The following RORA variants were observed in gnomAD, a reference collection of about 807,000 sequenced individuals.
The protein encoded by RORA is RAR related orphan receptor A.
In RORA, 7 loss-of-function variants were observed where a neutral mutation model predicts 69.5. The observed-to-expected ratio is 0.10, with a 90% CI of 0.06 to 0.19. RORA has a LOEUF of 0.19. Among genes scored for constraint, RORA ranks in the 10% least tolerant of loss-of-function variants. RORA has a pLI of 1.00. For missense variants in RORA, 457 were observed against 663.0 expected (o/e 0.69, Z 3.41); for synonymous variants, 261 against 240.8 (o/e 1.08, Z -0.78).
chr15:61,040,117 T>G (rs1403648444), intron 1 of RORA, among the ~76,000 whole-genome samples: 863 of 36,868 alleles, frequency 0.023, 16 homozygotes, highest in African/African-American at 0.049. Flanking sequence ...AGCTTTGATA[T>G]ATATATATAT....
At chr15:60,583,214 C>G (rs139664267) in intron 2 of RORA, among the ~76,000 whole-genome samples, 2 of 152,206 alleles carry the variant, frequency 1.3e-5, no homozygotes, top group Non-Finnish European at 2.9e-5. Context: ...CTAAGCTGCA[C>G]GAAGGCAGCA....
At chr15:60,822,496 C>T (rs1244317027) in intron 1 of RORA, among the ~76,000 whole-genome samples, 2 of 152,216 alleles carry the variant, frequency 1.3e-5, no homozygotes, top group Non-Finnish European at 2.9e-5. Context: ...CAAGCAGGTC[C>T]ATCCAGATCC....
chr15:60,501,896 CTT>C (rs1395332897), intron 8 of RORA, among the ~76,000 whole-genome samples: 1 of 152,140 alleles, frequency 6.6e-6, no homozygotes, highest in Non-Finnish European at 1.5e-5. Context: ...TGTCATATAA[CTT>C]TTAAAAAAAT....
intron 1 of RORA, among the ~76,000 whole-genome samples, chr15:61,096,222 G>A (rs1055722800): frequency 6.6e-6 from 1 of 152,154 alleles, no homozygotes; most frequent in African/African-American, 2.4e-5. Context: ...AGGTGGCTTT[G>A]GGGAATGGCT....
chr15:60,750,453 A>C (rs2071707625), intron 1 of RORA, among the ~76,000 whole-genome samples: 2 of 152,210 alleles, frequency 1.3e-5, no homozygotes, highest in South Asian at 4.1e-4. Flanking sequence ...TCCCTTTTAA[A>C]ATTTCAGTTT....
At chr15:60,770,455 T>C (rs1201507238) in intron 1 of RORA, among the ~76,000 whole-genome samples, 2 of 152,190 alleles carry the variant, frequency 1.3e-5, no homozygotes, top group Admixed American at 1.3e-4. Flanking sequence ...GCCTCATTTG[T>C]GACATTATTG....
chr15:60,551,662 TTTTTG>T (rs1386517653), intron 2 of RORA, among the ~76,000 whole-genome samples: 2 of 152,228 alleles, frequency 1.3e-5, no homozygotes, highest in Admixed American at 6.5e-5. Context: ...TAAATCATAG[TTTTTG>T]TTTTGTTTAG....
intron 2 of RORA, among the ~76,000 whole-genome samples, chr15:60,597,617 TACATAC>T (rs1239832777): frequency 0.031 from 1,297 of 42,404 alleles, 38 homozygotes; most frequent in African/African-American, 0.055. Flanking sequence ...TATATATATA[TACATAC>T]ATATATATAC....
chr15:61,012,423 C>A (rs974086850), intron 1 of RORA, among the ~76,000 whole-genome samples: 2 of 152,170 alleles, frequency 1.3e-5, no homozygotes, highest in Non-Finnish European at 2.9e-5. Context: ...CTACCCTTTG[C>A]TAGTCAAAAT....
intron 1 of RORA, among the ~76,000 whole-genome samples, chr15:60,960,055 G>T (rs567898963): frequency 3.4e-4 from 51 of 151,672 alleles, no homozygotes; most frequent in African/African-American, 9.2e-4. Flanking sequence ...GATTTTTTTT[G>T]TGTGTGTGTG....
chr15:60,875,290 C>A (rs1008122058), intron 1 of RORA, among the ~76,000 whole-genome samples: 1 of 152,178 alleles, frequency 6.6e-6, no homozygotes, highest in African/African-American at 2.4e-5. Context: ...TTCAACTATG[C>A]CCTCAAGGAC....
At chr15:60,660,620 G>T (rs1428688920) in intron 2 of RORA, among the ~76,000 whole-genome samples, 1 of 152,150 alleles carries the variant, frequency 6.6e-6, no homozygotes, top group Non-Finnish European at 1.5e-5. Context: ...CGACTTTTGG[G>T]AAGAAGGGAG....
At chr15:60,779,148 G>C (rs1345172792) in intron 1 of RORA, among the ~76,000 whole-genome samples, 2 of 152,178 alleles carry the variant, frequency 1.3e-5, no homozygotes, top group African/African-American at 4.8e-5. Context: ...TAAGGCACAA[G>C]CAATTTGGAT....
chr15:61,183,287 C>T (rs961678098), intron 1 of RORA, among the ~76,000 whole-genome samples: 1 of 152,210 alleles, frequency 6.6e-6, no homozygotes, highest in Non-Finnish European at 1.5e-5. Flanking sequence ...TGTAATCCAG[C>T]ACTTTGGGAG....
chr15:61,047,597 G>A (rs1355693104), intron 1 of RORA, among the ~76,000 whole-genome samples: 1 of 130,880 alleles, frequency 7.6e-6, no homozygotes, highest in Non-Finnish European at 1.8e-5. Context: ...GTCGAGAATG[G>A]TAAAACAAAA....
chr15:60,528,385 A>G (rs1285382389), intron 3 of RORA: 1 of 152,134 alleles, frequency 6.6e-6, no homozygotes, highest in Non-Finnish European at 1.5e-5. Context: ...TCTTATGTAT[A>G]TCATAGATTG....
chr15:61,049,818 C>G (rs750251681), intron 1 of RORA, among the ~76,000 whole-genome samples: 2 of 152,130 alleles, frequency 1.3e-5, no homozygotes, highest in Admixed American at 6.5e-5. Context: ...CACCACCACA[C>G]CCGGCTAATT....
intron 1 of RORA, chr15:61,181,230 G>C (rs376006088): frequency 6.6e-6 from 1 of 151,946 alleles, no homozygotes; most frequent in African/African-American, 2.4e-5. Context: ...GGCCCAGTCA[G>C]AAATCCAGCA....
intron 3 of RORA, among the ~76,000 whole-genome samples, chr15:60,525,749 G>A (rs540405789): frequency 9.2e-5 from 14 of 152,194 alleles, no homozygotes; most frequent in Admixed American, 3.3e-4. Flanking sequence ...TTCATTTTAC[G>A]TCTGAGACTA....
Sources: allele counts gnomAD v4.1 joint callset (sites outside exome capture counted in the v4.1 genomes callset), GRCh38; gene constraint gnomAD v4.1.1; transcripts MANE v1.5; gene names NCBI Gene and HGNC (gene_info 2026-07-23, HGNC 2026-07-21).